RNF144A: variants seen among roughly 807,000 people sequenced by gnomAD.
RNF144A encodes the protein ring finger protein 144A.
In RNF144A, 11 loss-of-function variants were observed where a neutral mutation model predicts 38.7. The observed-to-expected ratio is 0.28, with a 90% CI of 0.18 to 0.47. The LOEUF is 0.47. Among genes scored for constraint, RNF144A ranks in the 20% least tolerant of loss-of-function variants. The pLI, the probability that RNF144A is intolerant of heterozygous loss-of-function variation, is 0.99. For synonymous variants in RNF144A, 149 were observed against 143.9 expected (o/e 1.04, Z -0.25); for missense variants, 316 against 377.2 (o/e 0.84, Z 1.34).
At chr2:7,060,719 A>G (rs1211286827) in intron 6 of RNF144A, among the ~76,000 whole-genome samples, 1 of 152,152 alleles carries the variant, frequency 6.6e-6, no homozygotes, top group Non-Finnish European at 1.5e-5. Context: ...TCTCACCTGC[A>G]AGAATTTATA....
intron 2 of RNF144A, among the ~76,000 whole-genome samples, chr2:6,993,138 C>CT (rs1191049488): frequency 2.6e-5 from 4 of 151,866 alleles, no homozygotes; most frequent in Non-Finnish European, 5.9e-5. Context: ...ATATAGACCC[C>CT]TTTTTTTTCT....
At chr2:6,955,594 C>T (rs138463783) in intron 2 of RNF144A, among the ~76,000 whole-genome samples, 303 of 152,226 alleles carry the variant, frequency 2.0e-3, no homozygotes, top group Non-Finnish European at 3.2e-3. Flanking sequence ...CATTTTCTTT[C>T]TTAATTATTT....
At chr2:7,005,917 CTTTT>C (rs35114772) in intron 3 of RNF144A, among the ~76,000 whole-genome samples, 1 of 140,360 alleles carries the variant, frequency 7.1e-6, no homozygotes, top group South Asian at 2.3e-4. Context: ...ATCTGCCACT[CTTTT>C]TTTTTTTTTT....
At chr2:6,978,667 G>A (rs973082381) in intron 2 of RNF144A, 1 of 152,604 alleles carries the variant, frequency 6.6e-6, no homozygotes, top group Non-Finnish European at 1.5e-5. Context: ...CAAGTCCCTC[G>A]AGGTTGGACT....
At chr2:7,005,382 G>C (rs1670371530) in intron 3 of RNF144A, among the ~76,000 whole-genome samples, 1 of 152,166 alleles carries the variant, frequency 6.6e-6, no homozygotes, top group Non-Finnish European at 1.5e-5. Context: ...TCAGAGATGC[G>C]TGAATCCAGC....
At chr2:7,023,480 A>G (rs1671667346) in intron 6 of RNF144A, among the ~76,000 whole-genome samples, 3 of 152,126 alleles carry the variant, frequency 2.0e-5, no homozygotes, top group South Asian at 2.1e-4. Flanking sequence ...TGTTTGTTTG[A>G]TATAGTGAGT....
intron 2 of RNF144A, among the ~76,000 whole-genome samples, chr2:6,965,222 C>T (rs535937040): frequency 4.6e-5 from 7 of 152,086 alleles, no homozygotes; most frequent in Non-Finnish European, 5.9e-5. Flanking sequence ...TGCACTGGGA[C>T]GAGGCAAGGC....
At position 6,995,567 on chromosome 2, in the gene RNF144A, C is replaced by T. The variant is rs183960769; in HGVS notation, c.-11-1349C>T. Among the ~76,000 whole-genome samples the T allele has an allele frequency of 5.9e-5, 9 of 152,224 alleles. No homozygotes were observed. In the East Asian group the frequency reaches 1.5e-3, roughly 26 times the overall value. ...GACAGTACAGCCCTCAGTCTGTGGT[C>T]GAAGGGCCAGGAGTCCCAAAGCTGA... On this transcript the variant is annotated intron_variant, in intron 2 of 8. Coordinates refer to ENST00000320892, the MANE Select transcript of RNF144A (RefSeq NM_014746.6).
chr2:7,051,414 G>A (rs2103473368), intron 6 of RNF144A, among the ~76,000 whole-genome samples: 1 of 152,290 alleles, frequency 6.6e-6, no homozygotes, highest in Middle Eastern at 3.4e-3. Context: ...TTCAGGTTAA[G>A]GTTGGTGCTG....
chr2:6,984,709 A>G (rs1668844920), intron 2 of RNF144A, among the ~76,000 whole-genome samples: 1 of 152,258 alleles, frequency 6.6e-6, no homozygotes, highest in Non-Finnish European at 1.5e-5. Flanking sequence ...GCATTGCTAT[A>G]CATTGGGAAA....
chr2:7,044,244 T>C, downstream of RNF144A: 2 of 894,158 alleles, frequency 2.2e-6, no homozygotes, highest in Non-Finnish European at 2.7e-6. Context: ...GAAAATATTC[T>C]ATCTTCAGTC....
chr2:7,056,893 C>G (rs911182506), intron 6 of RNF144A, among the ~76,000 whole-genome samples: 10 of 152,220 alleles, frequency 6.6e-5, no homozygotes, highest in African/African-American at 2.4e-4. Context: ...ACCAAAAACT[C>G]CCCGGCAGTC....
intron 3 of RNF144A, among the ~76,000 whole-genome samples, chr2:7,009,859 C>T (rs1334823347): frequency 1.3e-5 from 2 of 152,194 alleles, no homozygotes; most frequent in Non-Finnish European, 2.9e-5. Flanking sequence ...CTCAGGGCTC[C>T]AGCCCTCCTG....
intron 1 of RNF144A, among the ~76,000 whole-genome samples, chr2:6,927,382 T>G (rs1360883967): frequency 3.3e-5 from 5 of 152,238 alleles, no homozygotes; most frequent in African/African-American, 1.2e-4. Context: ...GACAGTGACC[T>G]TGTTTTTTTT....
chr2:7,067,375 T>C (rs1024648739), intron 6 of RNF144A, among the ~76,000 whole-genome samples: 1 of 152,172 alleles, frequency 6.6e-6, no homozygotes, highest in African/African-American at 2.4e-5. Flanking sequence ...CCACAATAGC[T>C]CAGGGGTAGA....
chr2:7,018,797 G>A (rs1348860557), intron 5 of RNF144A, among the ~76,000 whole-genome samples: 1 of 152,118 alleles, frequency 6.6e-6, no homozygotes, highest in Non-Finnish European at 1.5e-5. Context: ...ACCTGTTCCT[G>A]ACCTCCAGCG....
intron 3 of RNF144A, among the ~76,000 whole-genome samples, chr2:6,998,808 G>A (rs954637902): frequency 6.6e-6 from 1 of 151,316 alleles, no homozygotes; most frequent in Non-Finnish European, 1.5e-5. Flanking sequence ...TCAATAACTA[G>A]CCTTATGCAA....
rs1315191732 is a variant in RNF144A at position 6,991,363 on chromosome 2, T to A, written c.-11-5553T>A. 2.0e-5 allele frequency among the ~76,000 whole-genome samples: 3 copies of A among 152,338 alleles called. 1 individual carries two copies. The South Asian group carries it at 6.2e-4, about 32-fold the overall frequency. ...TCAGCCACAGTTCTCCAATCTCTGC[T>A]GCTGCTGACAGCTCCGTATTATGAA... On this transcript the variant is annotated intron_variant, in intron 2 of 8. Coordinates refer to ENST00000320892, the MANE Select transcript of RNF144A (RefSeq NM_014746.6).
chr2:7,033,310 A>C (rs1483213013), intron 8 of RNF144A, among the ~76,000 whole-genome samples: 1 of 152,180 alleles, frequency 6.6e-6, no homozygotes, highest in African/African-American at 2.4e-5. Context: ...CCCGTGCCCC[A>C]TGCTTCTGGT....
Sources: gnomAD v4.1 joint callset for allele counts (sites outside exome capture counted in the v4.1 genomes callset) on GRCh38, gnomAD v4.1.1 for gene constraint, MANE v1.5 for transcripts, NCBI Gene and HGNC (gene_info 2026-07-23, HGNC 2026-07-21) for gene names.